CRISPLD1: variants seen among roughly 807,000 people sequenced by gnomAD.
The protein encoded by CRISPLD1 is cysteine-rich secretory protein LCCL domain-containing 1.
Under a neutral mutation model 77.5 loss-of-function variants are expected in CRISPLD1, and 60 were observed. The observed-to-expected ratio is 0.77, with a 90% confidence interval of 0.63 to 0.96. The LOEUF (loss-of-function observed/expected upper bound fraction) is 0.96, where lower values mean the gene tolerates loss of function less well. CRISPLD1 is among the 40% of genes least tolerant of loss of function. The pLI is 0.00. For synonymous variants in CRISPLD1, 195 were observed against 200.1 expected (o/e 0.97, Z 0.22); for missense variants, 623 against 615.8 (o/e 1.01, Z -0.12).
At chr8:74,985,364 C>T (rs1188282013) in intron 1 of CRISPLD1, among the ~76,000 whole-genome samples, 1 of 152,032 alleles carries the variant, frequency 6.6e-6, no homozygotes, top group African/African-American at 2.4e-5. Flanking sequence ...CACGGGGCCC[C>T]CTAGATGTAG....
intron 10 of CRISPLD1, among the ~76,000 whole-genome samples, 163 bp downstream of exon 10, chr8:75,017,613 C>T (rs1055275090): frequency 3.3e-5 from 5 of 152,030 alleles, no homozygotes; most frequent in Admixed American, 6.5e-5. Context: ...AAGAAGATAA[C>T]GCATTTAAGG....
At chr8:74,995,885 AT>A (rs1812639266) in intron 2 of CRISPLD1, among the ~76,000 whole-genome samples, 1 of 152,110 alleles carries the variant, frequency 6.6e-6, no homozygotes, top group African/African-American at 2.4e-5. Flanking sequence ...TCTCTTTGCT[AT>A]TGTTCAGGCT....
intron 10 of CRISPLD1, 144 bp downstream of exon 10, chr8:75,017,594 T>G: frequency 2.6e-6 from 2 of 755,830 alleles, no homozygotes; most frequent in Non-Finnish European, 3.9e-6. Context: ...TGTAGTTTTC[T>G]TAGACAAAAA....
chr8:75,005,625 C>G (rs1032786578), intron 2 of CRISPLD1, among the ~76,000 whole-genome samples: 1 of 152,066 alleles, frequency 6.6e-6, no homozygotes, highest in African/African-American at 2.4e-5. Context: ...TCTGTCAGCC[C>G]TTGACTGCTC....
At chr8:75,029,297 G>A in intron 13 of CRISPLD1, 90 bp from the exon 14 acceptor site, 1 of 1,314,238 alleles carries the variant, frequency 7.6e-7, no homozygotes, top group South Asian at 1.5e-5. Flanking sequence ...CAGGATGTCA[G>A]CGACTTCAGT....
chr8:75,032,858 T>C lies in CRISPLD1; in HGVS notation c.*616T>C, dbSNP rs569042222. 1 of 152,032 alleles carries C rather than the reference T, an allele frequency of 6.6e-6. No individual in the cohort carries two copies. The highest frequency in any genetic ancestry group is 2.1e-4 in the South Asian group (1 of 4,824). 9.4% of individuals were successfully genotyped at this position (152,032 alleles called of 1,614,324 possible). ...GTTAAAATGTTTGATTCCTTGGGAA[T>C]GGCCTTAAAAATAAATGTAATAAAG... On this transcript the variant is annotated 3_prime_UTR_variant, in exon 15 of 15. Coordinates refer to ENST00000262207, the MANE Select transcript of CRISPLD1 (RefSeq NM_031461.6).
At position 75,006,940 on chromosome 8, in the gene CRISPLD1, A is replaced by G. The variant is rs943926419; in HGVS notation, c.259-5493A>G. 5.9e-5 allele frequency among the ~76,000 whole-genome samples: 9 copies of G among 152,244 alleles called. No individual in the cohort carries two copies. The East Asian group carries it at 1.7e-3, about 29-fold the overall frequency. ...ATATCCTTTAATGTAATCCAAAACA[A>G]TGCTAATTAATGCAAAACATTTAAC... is the stretch of plus-strand genomic sequence containing the variant. On this transcript the variant is annotated intron_variant, in intron 2 of 14. Transcript: ENST00000262207.
intron 2 of CRISPLD1, among the ~76,000 whole-genome samples, chr8:74,990,284 T>TA (rs765348009): frequency 0.046 from 6,652 of 143,100 alleles, 443 homozygotes; most frequent in African/African-American, 0.16. Flanking sequence ...TAAGTCTATT[T>TA]AAAAAAAAAA....
chr8:75,020,028 C>T lies in CRISPLD1; in HGVS notation c.1193C>T (p.Thr398Ile). The T allele has an allele frequency of 6.2e-7, 1 of 1,614,114 alleles. No individual in the cohort carries two copies. Among genetic ancestry groups the T allele is most frequent in the South Asian group, 1.1e-5 (1 of 91,076 alleles). Residue 398 changes from threonine (T) to isoleucine (I), a missense_variant, in exon 12 of 15, where the codon ACA (threonine) becomes ATA (isoleucine). By Grantham distance (89) the Thr-to-Ile change is moderately conservative. Coordinates refer to ENST00000262207, the MANE Select transcript of CRISPLD1 (RefSeq NM_031461.6). ...KVTVQAVTCE[T>I]TVEQLCPFHK... is the part of the protein sequence containing the mutation. ...TCAGTTCAGGCTGTGACTTGTGAAA[C>T]AACTGTGGAACAGCTCTGTCCATTT...
chr8:75,019,047 T>TA (rs1465855498), intron 10 of CRISPLD1, among the ~76,000 whole-genome samples: 1 of 152,234 alleles, frequency 6.6e-6, no homozygotes, highest in Non-Finnish European at 1.5e-5. Flanking sequence ...CTTTTCCTCT[T>TA]ACTTTTTAGT....
intron 13 of CRISPLD1, among the ~76,000 whole-genome samples, chr8:75,026,253 TC>T (rs1183286317): frequency 1.3e-5 from 2 of 152,138 alleles, no homozygotes; most frequent in African/African-American, 2.4e-5. Context: ...TGGCTCTTTT[TC>T]TATTGTTGTA....
At chr8:74,991,745 G>A (rs1355214297) in intron 2 of CRISPLD1, among the ~76,000 whole-genome samples, 1 of 152,034 alleles carries the variant, frequency 6.6e-6, no homozygotes, top group Non-Finnish European at 1.5e-5. Context: ...GGCTAGGCTG[G>A]TCTCGAACTC....
At chr8:75,004,356 T>G (rs1812793581) in intron 2 of CRISPLD1, among the ~76,000 whole-genome samples, 2 of 152,100 alleles carry the variant, frequency 1.3e-5, no homozygotes, top group South Asian at 4.1e-4. Flanking sequence ...CATAGTGCAT[T>G]TAATACCAGA....
At chr8:74,998,546 A>G (rs1185519519) in intron 2 of CRISPLD1, among the ~76,000 whole-genome samples, 1 of 151,768 alleles carries the variant, frequency 6.6e-6, no homozygotes, top group African/African-American at 2.4e-5. Context: ...AAATTAGCCA[A>G]GTATGGTGGT....
intron 12 of CRISPLD1, 38 bp from the exon 13 acceptor site, chr8:75,025,508 G>C (rs757153942): frequency 3.5e-6 from 3 of 867,022 alleles, no homozygotes; most frequent in South Asian, 3.0e-5. Context: ...TAAGTAACCA[G>C]CTTACTTAAT....
At chr8:75,025,462 G>A (rs1813215185) in intron 12 of CRISPLD1, 84 bp from the exon 13 acceptor site, 1 of 438,896 alleles carries the variant, frequency 2.3e-6, no homozygotes, top group Non-Finnish European at 3.7e-6. Context: ...CTTACTTTGT[G>A]TATGCATATC....
chr8:75,018,805 T>C (rs1813082572), intron 10 of CRISPLD1, among the ~76,000 whole-genome samples: 1 of 152,136 alleles, frequency 6.6e-6, no homozygotes, highest in African/African-American at 2.4e-5. Flanking sequence ...TTGGCGAGGC[T>C]GGTCTCAAAC....
chr8:74,987,151 T>G (rs1812509373), intron 2 of CRISPLD1, among the ~76,000 whole-genome samples: 1 of 152,224 alleles, frequency 6.6e-6, no homozygotes. Context: ...GGATATTCTT[T>G]ATTTAGATAA....
chr8:75,020,479 G>A (rs1190550203), intron 12 of CRISPLD1, among the ~76,000 whole-genome samples: 1 of 152,156 alleles, frequency 6.6e-6, no homozygotes, highest in Non-Finnish European at 1.5e-5. Flanking sequence ...TCTCTTCCTG[G>A]TCTACAGATG....
Sources: allele counts gnomAD v4.1 joint callset (sites outside exome capture counted in the v4.1 genomes callset), GRCh38; gene constraint gnomAD v4.1.1; transcripts MANE v1.5; gene names NCBI Gene and HGNC (gene_info 2026-07-23, HGNC 2026-07-21).